The following ST6GALNAC5 variants were observed in gnomAD, a reference collection of about 807,000 sequenced individuals.
ST6GALNAC5 encodes alpha-N-acetylgalactosaminide alpha-2,6-sialyltransferase 5.
ST6GALNAC5 carries 27 observed loss-of-function variants against 33.6 expected under a neutral mutation model. That is an observed-to-expected ratio of 0.80 (90% CI 0.59 to 1.11). The LOEUF is 1.11. ST6GALNAC5 is among the 50% of genes least tolerant of loss of function. The probability of loss-of-function intolerance (pLI) is 0.00; values close to 1 mark genes in which losing one functional copy is unlikely to be tolerated. For synonymous variants in ST6GALNAC5, 194 were observed against 171.2 expected, an observed-to-expected ratio of 1.13 and a Z score of -1.04; for missense variants, 428 against 454.0, an observed-to-expected ratio of 0.94 and a Z score of 0.52.
intron 4 of ST6GALNAC5, among the ~76,000 whole-genome samples, chr1:77,062,021 C>A (rs1652594062): frequency 1.3e-5 from 2 of 152,118 alleles, no homozygotes; most frequent in South Asian, 4.1e-4. Flanking sequence ...CTTTTTCTCC[C>A]ATAGGATCAA....
chr1:76,912,281 T>C (rs951833659), intron 2 of ST6GALNAC5, among the ~76,000 whole-genome samples: 4 of 152,220 alleles, frequency 2.6e-5, no homozygotes, highest in African/African-American at 9.7e-5. Context: ...TGCACTGTGG[T>C]CTGAGAGACA....
chr1:76,907,970 G>C (rs946881008), intron 2 of ST6GALNAC5, among the ~76,000 whole-genome samples: 1 of 152,062 alleles, frequency 6.6e-6, no homozygotes, highest in African/African-American at 2.4e-5. Flanking sequence ...AAGCATGCAG[G>C]ACCACCTGCA....
intron 2 of ST6GALNAC5, among the ~76,000 whole-genome samples, chr1:77,002,145 T>C (rs1477702991): frequency 6.6e-6 from 1 of 152,212 alleles, no homozygotes; most frequent in Non-Finnish European, 1.5e-5. Flanking sequence ...TGGTAAACTA[T>C]TGATTATTGT....
chr1:76,892,452 G>A (rs1163970405), intron 2 of ST6GALNAC5, among the ~76,000 whole-genome samples: 2 of 152,120 alleles, frequency 1.3e-5, no homozygotes, highest in African/African-American at 4.8e-5. Flanking sequence ...AAAGATAAAT[G>A]TGGCTTCTGA....
chr1:76,875,874 C>T (rs762022817), intron 2 of ST6GALNAC5, among the ~76,000 whole-genome samples: 15 of 151,992 alleles, frequency 9.9e-5, no homozygotes, highest in Non-Finnish European at 1.6e-4. Context: ...ATTGTGACTT[C>T]GAAAGGCCAG....
intron 4 of ST6GALNAC5, among the ~76,000 whole-genome samples, chr1:77,057,385 A>G (rs773828657): frequency 1.3e-5 from 2 of 152,258 alleles, no homozygotes; most frequent in Non-Finnish European, 2.9e-5. Context: ...CATTTATTTA[A>G]TATAAATTTT....
At chr1:77,049,372 G>A (rs1652136589) in intron 3 of ST6GALNAC5, among the ~76,000 whole-genome samples, 1 of 152,146 alleles carries the variant, frequency 6.6e-6, no homozygotes, top group Non-Finnish European at 1.5e-5. Flanking sequence ...CGTAAGTACT[G>A]AAGGAAAAGT....
chr1:77,054,030 C>T (rs1652311874), intron 4 of ST6GALNAC5, among the ~76,000 whole-genome samples: 1 of 152,140 alleles, frequency 6.6e-6, no homozygotes, highest in African/African-American at 2.4e-5. Flanking sequence ...AAAATTAGTA[C>T]CCTCAAAAAA....
At chr1:76,958,046 G>T (rs1208818919) in intron 2 of ST6GALNAC5, among the ~76,000 whole-genome samples, 1 of 152,104 alleles carries the variant, frequency 6.6e-6, no homozygotes, top group African/African-American at 2.4e-5. Flanking sequence ...TATTAGATCA[G>T]ATTAAGCATT....
chr1:76,927,284 T>C (rs1012149968), intron 2 of ST6GALNAC5, among the ~76,000 whole-genome samples: 2 of 152,086 alleles, frequency 1.3e-5, no homozygotes, highest in Non-Finnish European at 2.9e-5. Flanking sequence ...ATATATAAAA[T>C]ATATTTTAGG....
intron 2 of ST6GALNAC5, chr1:76,995,640 G>T (rs903130453): frequency 1.3e-5 from 2 of 151,824 alleles, no homozygotes; most frequent in Admixed American, 1.3e-4. Flanking sequence ...TGTTATATAT[G>T]TGTAACATTT....
At chr1:76,867,813 G>C in intron 1 of ST6GALNAC5, 123 bp downstream of exon 1, 1 of 1,407,774 alleles carries the variant, frequency 7.1e-7, no homozygotes, top group Non-Finnish European at 1.0e-6. Context: ...TGTTACAAAG[G>C]GACAACTTTC....
At chr1:76,961,625 C>A (rs535364646) in intron 2 of ST6GALNAC5, among the ~76,000 whole-genome samples, 1 of 152,298 alleles carries the variant, frequency 6.6e-6, no homozygotes, top group Admixed American at 6.5e-5. Context: ...GAGCTTCTTT[C>A]CACCAGAGGG....
intron 2 of ST6GALNAC5, among the ~76,000 whole-genome samples, chr1:77,015,070 C>G: frequency 7.9e-6 from 1 of 126,122 alleles, no homozygotes; most frequent in East Asian, 2.3e-4. Context: ...CACACACACA[C>G]ACACACACAC....
At chr1:76,994,562 A>G (rs1649852827) in intron 2 of ST6GALNAC5, among the ~76,000 whole-genome samples, 1 of 152,188 alleles carries the variant, frequency 6.6e-6, no homozygotes, top group Non-Finnish European at 1.5e-5. Flanking sequence ...TATGAATGAC[A>G]TGTATTAAAG....
intron 2 of ST6GALNAC5, among the ~76,000 whole-genome samples, chr1:77,011,347 T>C (rs973313747): frequency 6.6e-6 from 1 of 152,204 alleles, no homozygotes; most frequent in Admixed American, 6.5e-5. Context: ...TTTAAAAATG[T>C]GATTGCTGAA....
intron 2 of ST6GALNAC5, among the ~76,000 whole-genome samples, chr1:76,947,772 T>C (rs947941736): frequency 1.3e-5 from 2 of 152,012 alleles, no homozygotes; most frequent in Non-Finnish European, 2.9e-5. Context: ...TAATAAGACG[T>C]TGGGAAACTT....
At chr1:76,896,939 T>C (rs539027324) in intron 2 of ST6GALNAC5, among the ~76,000 whole-genome samples, 1 of 152,246 alleles carries the variant, frequency 6.6e-6, no homozygotes, top group South Asian at 2.1e-4. Context: ...TCCTGGCTCT[T>C]GTATAAGAAT....
chr1:76,889,844 A>G (rs1178363616), intron 2 of ST6GALNAC5, among the ~76,000 whole-genome samples: 3 of 151,816 alleles, frequency 2.0e-5, no homozygotes, highest in Non-Finnish European at 4.4e-5. Context: ...CTATTTCTAG[A>G]TTTTTTTCTA....
Sources: gnomAD v4.1 joint callset for allele counts (sites outside exome capture counted in the v4.1 genomes callset) on GRCh38, gnomAD v4.1.1 for gene constraint, MANE v1.5 for transcripts, NCBI Gene and HGNC (gene_info 2026-07-23, HGNC 2026-07-21) for gene names.